RNF24: variants seen among roughly 807,000 people sequenced by gnomAD.
RNF24 encodes the protein ring finger protein 24.
RNF24 carries 14 observed loss-of-function variants against 20.0 expected under a neutral mutation model. That is an observed-to-expected ratio of 0.70 (90% CI 0.46 to 1.10). The LOEUF (loss-of-function observed/expected upper bound fraction) is 1.10, where lower values mean the gene tolerates loss of function less well. RNF24 is among the 50% of genes least tolerant of loss of function. RNF24 has a pLI of 0.00. For missense variants in RNF24, 124 were observed against 177.6 expected, an observed-to-expected ratio of 0.70 and a Z score of 1.71; for synonymous variants, 45 against 61.1, an observed-to-expected ratio of 0.74 and a Z score of 1.23.
At chr20:3,957,457 C>T (rs1340711087) in intron 2 of RNF24, among the ~76,000 whole-genome samples, 1 of 94,550 alleles carries the variant, frequency 1.1e-5, no homozygotes, top group Non-Finnish European at 2.1e-5. Flanking sequence ...GACCCTGTCT[C>T]AAAAAAAAAA....
chr20:3,982,050 G>A (rs1179023042), intron 1 of RNF24, among the ~76,000 whole-genome samples: 1 of 150,676 alleles, frequency 6.6e-6, no homozygotes, highest in Non-Finnish European at 1.5e-5. Flanking sequence ...CCCAGGAGCA[G>A]TGAGCGCTAA....
chr20:3,990,343 G>A (rs181751400), intron 1 of RNF24, among the ~76,000 whole-genome samples: 2 of 152,106 alleles, frequency 1.3e-5, no homozygotes, highest in Admixed American at 1.3e-4. Context: ...GCTTCCACAA[G>A]AGCAACTCAG....
intron 1 of RNF24, among the ~76,000 whole-genome samples, chr20:3,977,805 A>G (rs998111685): frequency 2.0e-5 from 3 of 150,064 alleles, no homozygotes; most frequent in Admixed American, 6.6e-5. Flanking sequence ...CAGAGCTTGC[A>G]GCGAGCAGAG....
At chr20:4,010,978 G>A (rs1458098885) in intron 1 of RNF24, among the ~76,000 whole-genome samples, 1 of 152,182 alleles carries the variant, frequency 6.6e-6, no homozygotes, top group Non-Finnish European at 1.5e-5. Flanking sequence ...TAGCATATTG[G>A]GTGAGATGGG....
chr20:4,005,033 A>G (rs1981736612), intron 1 of RNF24, among the ~76,000 whole-genome samples: 1 of 152,212 alleles, frequency 6.6e-6, no homozygotes, highest in Non-Finnish European at 1.5e-5. Context: ...CCAGTACAGG[A>G]TAACATCTGA....
At chr20:3,958,703 G>A (rs1055873544) in intron 2 of RNF24, among the ~76,000 whole-genome samples, 3 of 152,144 alleles carry the variant, frequency 2.0e-5, no homozygotes, top group Admixed American at 6.5e-5. Flanking sequence ...GTGCAGTGGC[G>A]CAATCTCAGC....
At chr20:3,935,356 C>T (rs2090877928) in intron 4 of RNF24, among the ~76,000 whole-genome samples, 2 of 152,030 alleles carry the variant, frequency 1.3e-5, no homozygotes, top group Non-Finnish European at 1.5e-5. Flanking sequence ...AGTGTGGGAC[C>T]GAGGGAGGGT....
At position 3,933,943 on chromosome 20, in the gene RNF24, T is replaced by G; in HGVS notation, c.*120A>C. The G allele has an allele frequency of 9.4e-7, 1 of 1,063,216 alleles. No individual in the cohort carries two copies. The highest frequency in any genetic ancestry group is 1.6e-5 in the African/African-American group (1 of 61,346). 65.9% of individuals were successfully genotyped at this position (1,063,216 alleles called of 1,614,324 possible). On this transcript the variant is annotated 3_prime_UTR_variant, in exon 6 of 6. Transcript: ENST00000358395. The stretch of plus-strand genomic sequence containing the variant: ...GTTTGGCTGGCCCAAGAGTTCTTCA[T>G]GAGGCAAAAGAAGTGGCAGCTGGTG...
intron 2 of RNF24, among the ~76,000 whole-genome samples, chr20:3,960,976 T>C (rs552937884): frequency 1.3e-5 from 2 of 152,128 alleles, no homozygotes; most frequent in East Asian, 3.9e-4. Flanking sequence ...GTATTTTTAG[T>C]AGAGATGGTG....
chr20:3,991,492 T>C (rs975339958), intron 1 of RNF24, among the ~76,000 whole-genome samples: 1 of 152,146 alleles, frequency 6.6e-6, no homozygotes, highest in Non-Finnish European at 1.5e-5. Flanking sequence ...AACCTCATGA[T>C]CCGCCTGCCT....
intron 2 of RNF24, among the ~76,000 whole-genome samples, chr20:3,955,445 T>A (rs1472020447): frequency 6.6e-6 from 1 of 152,206 alleles, no homozygotes; most frequent in Admixed American, 6.5e-5. Flanking sequence ...TTGTCATAGA[T>A]GTTTGGATTT....
chr20:3,947,010 G>C (rs1300682143), intron 3 of RNF24, among the ~76,000 whole-genome samples: 2 of 152,136 alleles, frequency 1.3e-5, no homozygotes, highest in Non-Finnish European at 2.9e-5. Context: ...GGCCAACATG[G>C]TGAAATCCTG....
At chr20:3,978,520 A>G (rs1235545125) in intron 1 of RNF24, among the ~76,000 whole-genome samples, 1 of 152,170 alleles carries the variant, frequency 6.6e-6, no homozygotes, top group African/African-American at 2.4e-5. Context: ...ATGTACAGCT[A>G]TGCTTTAATC....
intron 4 of RNF24, among the ~76,000 whole-genome samples, chr20:3,937,651 T>A (rs2090907212): frequency 6.7e-6 from 1 of 148,452 alleles, no homozygotes; most frequent in East Asian, 2.0e-4. Flanking sequence ...ACTAATCTAC[T>A]TTCTTTATTG....
intron 1 of RNF24, among the ~76,000 whole-genome samples, chr20:4,006,999 A>G (rs537254299): frequency 6.6e-6 from 1 of 152,314 alleles, no homozygotes; most frequent in South Asian, 2.1e-4. Flanking sequence ...CCCTCAATTT[A>G]CCCAACACTA....
At chr20:3,995,062 C>G (rs1980751307) in intron 1 of RNF24, among the ~76,000 whole-genome samples, 2 of 152,186 alleles carry the variant, frequency 1.3e-5, no homozygotes, top group Non-Finnish European at 2.9e-5. Flanking sequence ...CTGCATGGCA[C>G]TAAGTGGGTT....
chr20:3,974,944 A>G (rs1978732465), intron 1 of RNF24, among the ~76,000 whole-genome samples: 1 of 152,172 alleles, frequency 6.6e-6, no homozygotes, highest in African/African-American at 2.4e-5. Context: ...AGGAAATAAA[A>G]CAGCTAAAGC....
Position 3,974,331 on chromosome 20 carries a change from C to T in RNF24, c.-7-10307G>A, listed in dbSNP as rs899997649. The T allele has an allele frequency of 3.9e-6, 6 of 1,550,068 alleles. No individual in the cohort carries two copies. In the African/African-American group the frequency reaches 8.2e-5, roughly 21 times the overall value. On this transcript the variant is annotated intron_variant, in intron 1 of 5. Coordinates refer to ENST00000358395, the MANE Select transcript of RNF24 (RefSeq NM_001134337.3). ...TTAATTGTGAAAGACTGAATACTTACCCCCCTAAGACCGGGAACAAGGCAG... is the reference window on the plus strand; with the variant it reads ...TTAATTGTGAAAGACTGAATACTTATCCCCCTAAGACCGGGAACAAGGCAG...
chr20:3,971,056 AAAAC>A (rs1978329647), intron 1 of RNF24, among the ~76,000 whole-genome samples: 1 of 152,222 alleles, frequency 6.6e-6, no homozygotes, highest in African/African-American at 2.4e-5. Context: ...TCTGAAAACT[AAAAC>A]AACAACAACA....
Sources: allele counts gnomAD v4.1 joint callset (sites outside exome capture counted in the v4.1 genomes callset), GRCh38; gene constraint gnomAD v4.1.1; transcripts MANE v1.5; gene names NCBI Gene and HGNC (gene_info 2026-07-23, HGNC 2026-07-21).